TACR1: variants seen among roughly 807,000 people sequenced by gnomAD.
TACR1 encodes the protein tachykinin receptor 1.
A neutral mutation model predicts 35.8 loss-of-function variants in TACR1; 25 were observed. The observed-to-expected ratio is 0.70, with a 90% CI of 0.51 to 0.98. The LOEUF is 0.98. Among genes scored for constraint, TACR1 ranks in the 50% least tolerant of loss-of-function variants. The pLI, the probability that TACR1 is intolerant of heterozygous loss-of-function variation, is 0.00. For synonymous variants in TACR1, 195 were observed against 206.7 expected (o/e 0.94, Z 0.48); for missense variants, 478 against 522.9 (o/e 0.91, Z 0.84).
intron 2 of TACR1, among the ~76,000 whole-genome samples, chr2:75,111,617 A>C (rs1270990772): frequency 6.6e-6 from 1 of 152,022 alleles, no homozygotes; most frequent in Non-Finnish European, 1.5e-5. Context: ...TATAAAGAAT[A>C]CTATGCAGCT....
intron 1 of TACR1, among the ~76,000 whole-genome samples, chr2:75,168,645 C>T (rs1255981867): frequency 6.6e-6 from 1 of 152,190 alleles, no homozygotes; most frequent in Non-Finnish European, 1.5e-5. Flanking sequence ...TTCTCCCCAA[C>T]TGTAAGACAA....
chr2:75,106,097 G>A (rs999071063), intron 2 of TACR1, among the ~76,000 whole-genome samples: 1 of 152,048 alleles, frequency 6.6e-6, no homozygotes, highest in African/African-American at 2.4e-5. Flanking sequence ...AAAACTGAGT[G>A]TGGAGTATCT....
chr2:75,141,351 A>G (rs965903721), intron 1 of TACR1, among the ~76,000 whole-genome samples: 3 of 152,194 alleles, frequency 2.0e-5, no homozygotes, highest in East Asian at 3.9e-4. Flanking sequence ...TGCCTCTCCA[A>G]GATAAAACCC....
At chr2:75,115,642 C>T (rs1673838283) in intron 2 of TACR1, among the ~76,000 whole-genome samples, 1 of 152,008 alleles carries the variant, frequency 6.6e-6, no homozygotes, top group Non-Finnish European at 1.5e-5. Context: ...CACGGTGGCT[C>T]ACGCCTGTAA....
At chr2:75,082,965 A>T (rs1377888860) in intron 2 of TACR1, among the ~76,000 whole-genome samples, 1 of 152,014 alleles carries the variant, frequency 6.6e-6, no homozygotes, top group Non-Finnish European at 1.5e-5. Context: ...TTTTGTTGCC[A>T]TTGCTTTTGG....
rs758481738 is a variant in TACR1, at chr2:75,053,676, T to A, written c.664A>T (p.Thr222Ser). 58 of 1,612,308 alleles carry A rather than the reference T, an allele frequency of 3.6e-5. No homozygotes were observed. The highest frequency in any genetic ancestry group is 4.5e-5 in the Non-Finnish European group (53 of 1,179,288). ...IGYAYTVVGI[T>S]LWASEIPGDS... is the part of the protein sequence containing the mutation. The stretch of plus-strand genomic sequence containing the variant: ...CCGGGGATCTCACTGGCCCATAGTG[T>A]GATTCCCACTACGGTGTATGCATAG... The change falls in exon 3 of 5, where the codon ACA (threonine) becomes TCA (serine). Residue 222 changes from threonine (T) to serine (S), a missense_variant. Coordinates refer to ENST00000305249, the MANE Select transcript of TACR1 (RefSeq NM_001058.4).
intron 1 of TACR1, among the ~76,000 whole-genome samples, chr2:75,180,543 C>A (rs1470157207): frequency 6.6e-6 from 1 of 152,194 alleles, no homozygotes; most frequent in Non-Finnish European, 1.5e-5. Flanking sequence ...TTGCATGTGT[C>A]TGTGTGCCTT....
intron 1 of TACR1, among the ~76,000 whole-genome samples, chr2:75,125,991 AC>A (rs1488612985): frequency 1.3e-5 from 2 of 152,176 alleles, no homozygotes; most frequent in Non-Finnish European, 2.9e-5. Flanking sequence ...AACTCATGTT[AC>A]AGGGGTTTGT....
intron 2 of TACR1, among the ~76,000 whole-genome samples, chr2:75,062,227 A>G (rs1672685661): frequency 1.3e-5 from 2 of 152,110 alleles, no homozygotes; most frequent in African/African-American, 4.8e-5. Context: ...CTTCTTTAAT[A>G]GATAGGTTTC....
chr2:75,103,873 C>A (rs1673589318), intron 2 of TACR1, among the ~76,000 whole-genome samples: 1 of 152,026 alleles, frequency 6.6e-6, no homozygotes. Flanking sequence ...ACATAAGCCT[C>A]ATGGTAACCA....
At chr2:75,087,820 C>T (rs1673217247) in intron 2 of TACR1, among the ~76,000 whole-genome samples, 1 of 152,218 alleles carries the variant, frequency 6.6e-6, no homozygotes, top group Non-Finnish European at 1.5e-5. Context: ...GAGACTTAAA[C>T]ATCTGTCACA....
chr2:75,193,071 C>G (rs1006360338), intron 1 of TACR1, among the ~76,000 whole-genome samples: 6 of 152,084 alleles, frequency 3.9e-5, no homozygotes, highest in Admixed American at 2.0e-4. Flanking sequence ...TCTTTTCTCT[C>G]CCCTCCATCC....
Position 75,172,455 on chromosome 2 carries a change from CTT to C in TACR1, c.389+26089_389+26090del, listed in dbSNP as rs1572978061. Among the ~76,000 whole-genome samples, 5 of 152,288 alleles carry C rather than the reference CTT, an allele frequency of 3.3e-5. No individual in the cohort carries two copies. The East Asian group carries it at 9.7e-4, about 29-fold the overall frequency. ...TATGAGAAAAAAAGTTCCTTGGACA[CTT>C]TTCTTTTCGGGCTGTCCCCCGTCTA... On this transcript the variant is annotated intron_variant, in intron 1 of 4. Coordinates refer to ENST00000305249, the MANE Select transcript of TACR1 (RefSeq NM_001058.4).
intron 1 of TACR1, among the ~76,000 whole-genome samples, chr2:75,182,302 G>T (rs1342962429): frequency 1.3e-5 from 2 of 152,178 alleles, no homozygotes; most frequent in African/African-American, 2.4e-5. Context: ...TCCCTGCAAG[G>T]AAGGCTGGGA....
chr2:75,084,844 G>C (rs1673161275), intron 2 of TACR1, among the ~76,000 whole-genome samples: 1 of 151,992 alleles, frequency 6.6e-6, no homozygotes, highest in Non-Finnish European at 1.5e-5. Context: ...CTTGCTAGTG[G>C]TCTATCAGTT....
At chr2:75,143,924 A>T (rs896496534) in intron 1 of TACR1, among the ~76,000 whole-genome samples, 1 of 152,214 alleles carries the variant, frequency 6.6e-6, no homozygotes, top group African/African-American at 2.4e-5. Context: ...CGGGGTACAT[A>T]GTGTAACCTC....
intron 1 of TACR1, chr2:75,154,406 GCACGCACACACACACACA>G (rs1204755168): frequency 8.9e-5 from 7 of 78,514 alleles, no homozygotes; most frequent in African/African-American, 3.8e-4. Context: ...CCAAGAGCGC[GCACGCACACACACACACA>G]CACACACACA....
At chr2:75,196,023 T>G (rs148167021) in intron 1 of TACR1, among the ~76,000 whole-genome samples, 65 of 152,350 alleles carry the variant, frequency 4.3e-4, no homozygotes, top group African/African-American at 1.4e-3. Flanking sequence ...GATTGGATTT[T>G]TGTGCTCTTC....
At chr2:75,140,348 A>G (rs1020395111) in intron 1 of TACR1, among the ~76,000 whole-genome samples, 10 of 152,144 alleles carry the variant, frequency 6.6e-5, no homozygotes, top group Admixed American at 5.9e-4. Context: ...TTGAAAAAAA[A>G]GCAAAGGCAG....
Sources: allele counts gnomAD v4.1 joint callset (sites outside exome capture counted in the v4.1 genomes callset), GRCh38; gene constraint gnomAD v4.1.1; transcripts MANE v1.5; gene names NCBI Gene and HGNC (gene_info 2026-07-23, HGNC 2026-07-21).